The following MDGA2 variants were observed in gnomAD, a reference collection of about 807,000 sequenced individuals.
MDGA2 encodes the protein MAM domain containing glycosylphosphatidylinositol anchor 2.
A neutral mutation model predicts 117.8 loss-of-function variants in MDGA2; 40 were observed. The observed-to-expected ratio is 0.34, with a 90% CI of 0.26 to 0.44. MDGA2 has a LOEUF of 0.44. Among genes scored for constraint, MDGA2 ranks in the 20% least tolerant of loss-of-function variants. MDGA2 has a pLI of 1.00. For synonymous variants in MDGA2, 452 were observed against 439.0 expected (o/e 1.03, Z -0.37); for missense variants, 1,123 against 1,250.6 (o/e 0.90, Z 1.54).
intron 8 of MDGA2, among the ~76,000 whole-genome samples, chr14:46,983,220 A>G (rs1413766356): frequency 3.9e-5 from 6 of 152,188 alleles, no homozygotes; most frequent in Admixed American, 6.6e-5. Flanking sequence ...TTAAAGGAGC[A>G]TTACAAATAA....
intron 5 of MDGA2, among the ~76,000 whole-genome samples, chr14:47,103,284 A>T (rs898841516): frequency 6.6e-6 from 1 of 152,232 alleles, no homozygotes; most frequent in Non-Finnish European, 1.5e-5. Flanking sequence ...TGTGATGAAG[A>T]TATCACTGTA....
At chr14:46,856,997 C>G (rs1342570326) in intron 14 of MDGA2, among the ~76,000 whole-genome samples, 1 of 152,138 alleles carries the variant, frequency 6.6e-6, no homozygotes, top group African/African-American at 2.4e-5. Context: ...ATTCACTTCA[C>G]TTTCTATATC....
At chr14:47,478,434 T>C (rs994065484) in intron 1 of MDGA2, among the ~76,000 whole-genome samples, 4 of 152,302 alleles carry the variant, frequency 2.6e-5, no homozygotes, top group Non-Finnish European at 4.4e-5. Context: ...TGGAGTGCTA[T>C]GGCGCTATCA....
intron 10 of MDGA2, among the ~76,000 whole-genome samples, chr14:46,898,331 T>A (rs1358397438): frequency 6.6e-6 from 1 of 152,182 alleles, no homozygotes; most frequent in Non-Finnish European, 1.5e-5. Flanking sequence ...TTGAAGAATA[T>A]TGAAAAATAA....
chr14:47,253,764 G>A (rs1051669007), intron 2 of MDGA2, among the ~76,000 whole-genome samples: 1 of 152,206 alleles, frequency 6.6e-6, no homozygotes, highest in South Asian at 2.1e-4. Context: ...CTGTGTGGGG[G>A]CTCCAACTCC....
chr14:47,412,726 C>G lies in MDGA2; in HGVS notation c.281-111176G>C, dbSNP rs1340884009. ...ATGAAAGAAATGCTCCAGGCTATCA[C>G]CAACATCAGCTTCATTTCCTTGGGA... On this transcript the variant is annotated intron_variant, in intron 1 of 16. Transcript: ENST00000399232. Among the ~76,000 whole-genome samples the G allele has an allele frequency of 5.3e-5, 8 of 152,222 alleles. No homozygotes were observed. In the East Asian group the frequency reaches 1.5e-3, roughly 29 times the overall value.
intron 1 of MDGA2, among the ~76,000 whole-genome samples, chr14:47,476,890 G>T (rs1282395654): frequency 1.3e-5 from 2 of 152,100 alleles, no homozygotes; most frequent in Non-Finnish European, 2.9e-5. Context: ...CACTGGGCGT[G>T]GTGGCTCATG....
chr14:47,675,474 C>T lies in MDGA2; in HGVS notation c.-678G>A, dbSNP rs1898168194. On this transcript the variant is annotated 5_prime_UTR_variant, in exon 1 of 17. Coordinates refer to ENST00000399232, the MANE Select transcript of MDGA2 (RefSeq NM_001113498.3). ...TGGAGCTCGCTTGGGCACACCAGCCCAGCCGCCACCGCCACCGCTCTCCAA... is the reference window on the plus strand; with the variant it reads ...TGGAGCTCGCTTGGGCACACCAGCCTAGCCGCCACCGCCACCGCTCTCCAA... 6.6e-6 allele frequency among the ~76,000 whole-genome samples: 1 copy of T among 152,038 alleles called. No individual in the cohort carries two copies. The highest frequency in any genetic ancestry group is 1.5e-5 in the Non-Finnish European group (1 of 67,990).
chr14:46,859,436 T>C (rs1190854751), intron 14 of MDGA2, among the ~76,000 whole-genome samples: 1 of 152,214 alleles, frequency 6.6e-6, no homozygotes, highest in Non-Finnish European at 1.5e-5. Flanking sequence ...ATATCTTTTT[T>C]CTTTCTGTTA....
chr14:47,486,398 T>G (rs1894061943), intron 1 of MDGA2, among the ~76,000 whole-genome samples: 1 of 152,192 alleles, frequency 6.6e-6, no homozygotes, highest in Non-Finnish European at 1.5e-5. Context: ...AACTTGCTTT[T>G]GATTTTACAG....
intron 2 of MDGA2, among the ~76,000 whole-genome samples, chr14:47,281,531 G>A (rs986473893): frequency 2.0e-5 from 3 of 152,146 alleles, no homozygotes; most frequent in Non-Finnish European, 2.9e-5. Context: ...CAAGAGGCAC[G>A]TAGAGGTATA....
At chr14:47,511,755 C>T (rs1894645663) in intron 1 of MDGA2, among the ~76,000 whole-genome samples, 1 of 152,060 alleles carries the variant, frequency 6.6e-6, no homozygotes, top group East Asian at 1.9e-4. Flanking sequence ...CAGACAAAAA[C>T]ACTTTTAAAC....
chr14:47,032,950 T>A (rs1405489459), intron 8 of MDGA2, among the ~76,000 whole-genome samples: 2 of 152,154 alleles, frequency 1.3e-5, no homozygotes, highest in African/African-American at 4.8e-5. Flanking sequence ...TGAGAGGAAA[T>A]GCAGTTGGAT....
chr14:47,161,802 C>T (rs552594702), intron 3 of MDGA2, among the ~76,000 whole-genome samples: 3 of 151,514 alleles, frequency 2.0e-5, no homozygotes, highest in Admixed American at 6.6e-5. Context: ...ATTTTGTTTT[C>T]GTTGATTTTA....
At chr14:47,362,120 C>G (rs1329945690) in intron 1 of MDGA2, among the ~76,000 whole-genome samples, 1 of 152,086 alleles carries the variant, frequency 6.6e-6, no homozygotes, top group Non-Finnish European at 1.5e-5. Flanking sequence ...CCTGGCTTGG[C>G]CTTCTATCCC....
chr14:47,028,913 C>A (rs1391350145), intron 8 of MDGA2, among the ~76,000 whole-genome samples: 1 of 152,044 alleles, frequency 6.6e-6, no homozygotes, highest in Non-Finnish European at 1.5e-5. Flanking sequence ...GGCCTAGATC[C>A]TCTTGTATTT....
intron 1 of MDGA2, among the ~76,000 whole-genome samples, chr14:47,315,918 C>G: frequency 6.8e-6 from 1 of 146,040 alleles, no homozygotes; most frequent in East Asian, 2.1e-4. Context: ...ATGGTATTGG[C>G]AAAAAAACAA....
At chr14:46,946,252 G>C (rs1353750106) in intron 9 of MDGA2, among the ~76,000 whole-genome samples, 1 of 152,038 alleles carries the variant, frequency 6.6e-6, no homozygotes, top group African/African-American at 2.4e-5. Context: ...AGATATTGGA[G>C]GGGAGATTGT....
At chr14:47,132,521 A>G (rs1272479592) in intron 4 of MDGA2, among the ~76,000 whole-genome samples, 1 of 151,890 alleles carries the variant, frequency 6.6e-6, no homozygotes, top group Non-Finnish European at 1.5e-5. Context: ...ATGCAAATCA[A>G]GCAAGTGGCC....
Sources: allele counts gnomAD v4.1 joint callset (sites outside exome capture counted in the v4.1 genomes callset), GRCh38; gene constraint gnomAD v4.1.1; transcripts MANE v1.5; gene names NCBI Gene and HGNC (gene_info 2026-07-23, HGNC 2026-07-21).